The following SMG6 variants were observed in gnomAD, a reference collection of about 807,000 sequenced individuals.
SMG6 encodes the protein telomerase-binding protein EST1A.
In SMG6, 66 loss-of-function variants were observed where a neutral mutation model predicts 142.2. That is an observed-to-expected ratio of 0.46 (90% CI 0.38 to 0.57). The LOEUF (loss-of-function observed/expected upper bound fraction) is 0.57, where lower values mean the gene tolerates loss of function less well. SMG6 is among the 20% of genes least tolerant of loss of function. The probability of loss-of-function intolerance (pLI) is 0.00; values close to 1 mark genes in which losing one functional copy is unlikely to be tolerated. For missense variants in SMG6, 1,793 were observed against 1,832.0 expected (o/e 0.98, Z 0.39); for synonymous variants, 779 against 702.4 (o/e 1.11, Z -1.72).
At position 2,303,771 on chromosome 17, in the gene SMG6, C is replaced by CA; in HGVS notation, c.-52_-51insT. ...GCGGCTCCGCCACCGCCGCGCGCAGCCAGGAAACCACCACAGACGGGCGGC... is the reference window on the plus strand; with the variant it reads ...GCGGCTCCGCCACCGCCGCGCGCAGCACAGGAAACCACCACAGACGGGCGGC... On this transcript the variant is annotated 5_prime_UTR_variant, in exon 1 of 19. Transcript: ENST00000263073. 2 of 1,445,740 alleles carry CA rather than the reference C, an allele frequency of 1.4e-6. No individual in the cohort carries two copies. The highest frequency in any genetic ancestry group is 1.8e-6 in the Non-Finnish European group (2 of 1,090,516). The allele number at this position is 1,445,740 out of a possible 1,614,324, so 89.6% of individuals were successfully genotyped here.
chr17:2,079,078 C>T (rs1322666380), intron 15 of SMG6, among the ~76,000 whole-genome samples: 1 of 152,140 alleles, frequency 6.6e-6, no homozygotes, highest in African/African-American at 2.4e-5. Flanking sequence ...ATTCTCCTGC[C>T]TCAGCCTCCC....
At chr17:2,163,755 C>A (rs2071249761) in intron 13 of SMG6, among the ~76,000 whole-genome samples, 1 of 151,378 alleles carries the variant, frequency 6.6e-6, no homozygotes, top group South Asian at 2.1e-4. Flanking sequence ...GAACTGGTAA[C>A]TCACCGCCCT....
intron 8 of SMG6, among the ~76,000 whole-genome samples, chr17:2,271,663 C>T (rs1420856035): frequency 2.6e-5 from 4 of 151,676 alleles, no homozygotes; most frequent in East Asian, 1.9e-4. Flanking sequence ...TGCAGTGAGC[C>T]GAGATCATAC....
intron 13 of SMG6, among the ~76,000 whole-genome samples, chr17:2,157,590 G>C (rs1178862210): frequency 1.3e-5 from 2 of 152,216 alleles, no homozygotes; most frequent in African/African-American, 4.8e-5. Context: ...CCAAAGGGAA[G>C]AAGGCAGAAA....
At chr17:2,270,105 C>A (rs2074513791) in intron 8 of SMG6, among the ~76,000 whole-genome samples, 1 of 151,874 alleles carries the variant, frequency 6.6e-6, no homozygotes, top group Admixed American at 6.6e-5. Flanking sequence ...CTCTGACATA[C>A]AAATACTAGA....
At chr17:2,146,154 T>G (rs565309130) in intron 13 of SMG6, among the ~76,000 whole-genome samples, 1 of 152,316 alleles carries the variant, frequency 6.6e-6, no homozygotes, top group East Asian at 1.9e-4. Flanking sequence ...AAAATATGCT[T>G]AAGTAAAACC....
intron 13 of SMG6, among the ~76,000 whole-genome samples, chr17:2,098,735 A>G (rs569458545): frequency 6.6e-6 from 1 of 152,092 alleles, no homozygotes; most frequent in African/African-American, 2.4e-5. Context: ...TGTTCAAGTG[A>G]TTCTCCTGCC....
chr17:2,207,117 C>A (rs144254027), intron 10 of SMG6, among the ~76,000 whole-genome samples: 1,415 of 79,566 alleles, frequency 0.018, 90 homozygotes, highest in East Asian at 0.12. Context: ...ACTAAAAATC[C>A]AAAAAAAAAA....
intron 8 of SMG6, among the ~76,000 whole-genome samples, chr17:2,279,659 G>A (rs2074740101): frequency 6.6e-6 from 1 of 152,140 alleles, no homozygotes; most frequent in Non-Finnish European, 1.5e-5. Context: ...GTTACGATTA[G>A]GAGGTGGACT....
At chr17:2,111,420 A>C (rs1241404398) in intron 13 of SMG6, among the ~76,000 whole-genome samples, 2 of 152,112 alleles carry the variant, frequency 1.3e-5, no homozygotes. Flanking sequence ...TCGCTCAAAG[A>C]GGTCCTCTGA....
chr17:2,171,749 T>A (rs1254809062), intron 13 of SMG6, among the ~76,000 whole-genome samples: 1 of 146,368 alleles, frequency 6.8e-6, no homozygotes, highest in Non-Finnish European at 1.5e-5. Context: ...TTTTTTTTTT[T>A]AACATCTCCC....
At chr17:2,231,275 C>G (rs1176684934) in intron 10 of SMG6, among the ~76,000 whole-genome samples, 1 of 152,168 alleles carries the variant, frequency 6.6e-6, no homozygotes, top group African/African-American at 2.4e-5. Flanking sequence ...AAACATCCCA[C>G]ACCTACAAGT....
At position 2,282,834 on chromosome 17, in the gene SMG6, T is replaced by C. The variant is rs1597781905; in HGVS notation, c.2474A>G (p.His825Arg). 8 of 1,614,172 alleles carry C rather than the reference T, an allele frequency of 5.0e-6. No homozygotes were observed. The highest frequency in any genetic ancestry group is 2.2e-5 in the East Asian group (1 of 44,876). The change falls in exon 8 of 19, where the codon CAT (histidine) becomes CGT (arginine). Residue 825 changes from histidine (H) to arginine (R), a missense_variant. Transcript: ENST00000263073. ...RKAEQMEKKQ[H>R]EEFDLSPDQW... ...GTCAGGGCTCAGGTCAAATTCCTCA[T>C]GTTGCTTCTTTTCCATCTGTTCTGC... is the stretch of plus-strand genomic sequence containing the variant.
chr17:2,134,922 C>T (rs2070245568), intron 13 of SMG6, among the ~76,000 whole-genome samples: 1 of 151,946 alleles, frequency 6.6e-6, no homozygotes, highest in Non-Finnish European at 1.5e-5. Context: ...CTCTGTCACC[C>T]AGGCTGGAGT....
chr17:2,200,656 G>A (rs1255755883), intron 10 of SMG6, among the ~76,000 whole-genome samples: 1 of 152,078 alleles, frequency 6.6e-6, no homozygotes, highest in Non-Finnish European at 1.5e-5. Context: ...ATGAGCCACT[G>A]CACCTAGCCC....
intron 13 of SMG6, among the ~76,000 whole-genome samples, chr17:2,161,936 TAGAG>T (rs1231492376): frequency 2.0e-5 from 3 of 152,162 alleles, no homozygotes; most frequent in Non-Finnish European, 4.4e-5. Context: ...TATGAAATGA[TAGAG>T]AGGGAGGTCT....
In SMG6 at chr17:2,071,228, A is replaced by T. The variant is rs965093586; in HGVS notation, c.3682-2297T>A. The stretch of plus-strand genomic sequence containing the variant: ...CTCCTGCCTTGAGAAACAACCGTCC[A>T]GCCTGGTCTGACTCTATCAAGGAAG... On this transcript the variant is annotated intron_variant, in intron 15 of 18. Coordinates refer to ENST00000263073, the MANE Select transcript of SMG6 (RefSeq NM_017575.5). This position sits in a 1 kb window ranked among gnomAD's most constrained non-coding sequence, Gnocchi z 5.6. Among the ~76,000 whole-genome samples, 2 of 151,558 alleles carry T rather than the reference A, an allele frequency of 1.3e-5. No individual in the cohort carries two copies. The highest frequency in any genetic ancestry group is 1.3e-4 in the Admixed American group (2 of 15,238).
At chr17:2,142,520 AATCTTTCT>A (rs1012254272) in intron 13 of SMG6, among the ~76,000 whole-genome samples, 62 of 132,306 alleles carry the variant, frequency 4.7e-4, no homozygotes, top group African/African-American at 1.4e-3. Context: ...AACTCAATGT[AATCTTTCT>A]ATCTATCTAT....
At chr17:2,300,880 C>T (rs1441358470) in intron 1 of SMG6, among the ~76,000 whole-genome samples, 1 of 152,202 alleles carries the variant, frequency 6.6e-6, no homozygotes, top group Non-Finnish European at 1.5e-5. Context: ...AGGCTAAGGA[C>T]CTAACTGTGT....
Sources: gnomAD v4.1 joint callset for allele counts (sites outside exome capture counted in the v4.1 genomes callset) on GRCh38, gnomAD v4.1.1 for gene constraint, Gnocchi (gnomAD v3.1) non-coding constraint, MANE v1.5 for transcripts, NCBI Gene and HGNC (gene_info 2026-07-23, HGNC 2026-07-21) for gene names.